The following MYO3A variants were observed in gnomAD, a reference collection of about 807,000 sequenced individuals.
MYO3A encodes the protein myosin IIIA.
MYO3A carries 180 observed loss-of-function variants against 192.7 expected under a neutral mutation model. The ratio of observed to expected loss-of-function variants is 0.93; its 90% CI spans 0.83 to 1.06. MYO3A has a LOEUF of 1.06. Ranked by LOEUF, MYO3A falls within the 50% of genes least tolerant of loss-of-function variation. MYO3A has a pLI of 0.00. For missense variants in MYO3A, 1,896 were observed against 1,905.0 expected (o/e 1.00, Z 0.09); for synonymous variants, 628 against 645.3 (o/e 0.97, Z 0.41).
intron 32 of MYO3A, 119 bp from the exon 33 acceptor site, chr10:26,201,146 C>T (rs1843656419): frequency 5.1e-6 from 2 of 391,230 alleles, no homozygotes; most frequent in Admixed American, 4.7e-5. Flanking sequence ...TATCCACTTG[C>T]TTATTTCTAA....
chr10:26,120,486 C>T (rs1441985594), intron 17 of MYO3A, among the ~76,000 whole-genome samples, 190 bp from the exon 18 acceptor site: 1 of 151,996 alleles, frequency 6.6e-6, no homozygotes, highest in Non-Finnish European at 1.5e-5. Flanking sequence ...GTAACAGGCA[C>T]TATGCTAACC....
rs777250600 is a variant in MYO3A at position 26,201,287 on chromosome 10, G to A, written c.4568G>A (p.Arg1523Gln). The change falls in exon 33 of 35, where the codon CGA becomes CAA. Residue 1523 changes from arginine to glutamine, a missense_variant. Transcript: ENST00000642920. Reference protein sequence around the residue: ...LLHKSIQEEKRRPRKDSQGKL... With the variant: ...LLHKSIQEEKQRPRKDSQGKL... ...TAGAAGTCAATCCAAGAAGAAAAAC[G>A]AAGACCAAGGAAAGACAGGTAATTA... 1.4e-5 allele frequency: 22 copies of A among 1,576,526 alleles called. No individual in the cohort carries two copies. The highest frequency in any genetic ancestry group is 1.8e-5 in the Non-Finnish European group (21 of 1,152,722).
At position 26,185,662 on chromosome 10, in the gene MYO3A, G is replaced by A. The variant is rs568469477; in HGVS notation, c.4439-7543G>A. Among the ~76,000 whole-genome samples the A allele has an allele frequency of 9.9e-5, 15 of 152,208 alleles. No homozygotes were observed. In the South Asian group the frequency reaches 2.1e-3, roughly 21 times the overall value. ...GCCCATTCCAGGATTATTATTTAAT[G>A]TAGTGTTTTGTTTTCTTTTTCTCTT... On this transcript the variant is annotated intron_variant, in intron 31 of 34. Coordinates refer to ENST00000642920, the MANE Select transcript of MYO3A (RefSeq NM_017433.5).
chr10:25,977,563 A>C (rs977601205), intron 4 of MYO3A, among the ~76,000 whole-genome samples: 4 of 152,164 alleles, frequency 2.6e-5, no homozygotes, highest in Non-Finnish European at 5.9e-5. Context: ...AAATTTTGTC[A>C]TTTGTGATTT....
At chr10:25,960,139 C>T (rs2130636906) in intron 4 of MYO3A, among the ~76,000 whole-genome samples, 1 of 152,150 alleles carries the variant, frequency 6.6e-6, no homozygotes, top group South Asian at 2.1e-4. Context: ...CTCCTTTTTT[C>T]TGTCCTCTTT....
chr10:26,190,314 G>A (rs1458161165), intron 31 of MYO3A, among the ~76,000 whole-genome samples: 1 of 152,210 alleles, frequency 6.6e-6, no homozygotes, highest in Non-Finnish European at 1.5e-5. Context: ...CGGCAAAGGT[G>A]TTATCATTGT....
intron 2 of MYO3A, among the ~76,000 whole-genome samples, chr10:25,936,190 G>A (rs1836050366): frequency 6.6e-6 from 1 of 151,746 alleles, no homozygotes; most frequent in Non-Finnish European, 1.5e-5. Flanking sequence ...CACATAATTT[G>A]ATAGCATCAT....
intron 14 of MYO3A, among the ~76,000 whole-genome samples, chr10:26,084,662 C>T (rs186371230): frequency 3.3e-5 from 5 of 152,250 alleles, no homozygotes; most frequent in African/African-American, 1.2e-4. Flanking sequence ...TGCCACTGCA[C>T]CTGGCTAATT....
At chr10:26,053,514 A>T (rs989901446) in intron 10 of MYO3A, among the ~76,000 whole-genome samples, 18 of 152,196 alleles carry the variant, frequency 1.2e-4, no homozygotes, top group African/African-American at 3.9e-4. Flanking sequence ...AGTATATCAC[A>T]TGGTGATGCA....
intron 20 of MYO3A, among the ~76,000 whole-genome samples, chr10:26,140,477 A>T (rs1840086248): frequency 1.3e-5 from 2 of 152,086 alleles, no homozygotes. Flanking sequence ...TGAGGTCAGG[A>T]GTTCAAGACC....
intron 17 of MYO3A, among the ~76,000 whole-genome samples, chr10:26,101,304 T>C (rs546132616): frequency 4.1e-4 from 63 of 152,318 alleles, no homozygotes; most frequent in African/African-American, 1.5e-3. Context: ...GCACATGATA[T>C]GTGTCTCCTG....
At chr10:26,109,027 GTTAT>G in intron 17 of MYO3A, among the ~76,000 whole-genome samples, 1 of 152,140 alleles carries the variant, frequency 6.6e-6, no homozygotes, top group East Asian at 1.9e-4. Flanking sequence ...TTTCCAGACA[GTTAT>G]TTGATAGAAC....
chr10:26,095,757 A>T (rs1836979885), intron 15 of MYO3A, among the ~76,000 whole-genome samples: 1 of 152,234 alleles, frequency 6.6e-6, no homozygotes, highest in African/African-American at 2.4e-5. Context: ...TCACAGAGTC[A>T]TGGGATTTGA....
intron 4 of MYO3A, among the ~76,000 whole-genome samples, chr10:25,984,213 A>G (rs1317584698): frequency 6.6e-6 from 1 of 152,248 alleles, no homozygotes; most frequent in Non-Finnish European, 1.5e-5. Flanking sequence ...AAAACAATCA[A>G]GGTATTCAGG....
intron 6 of MYO3A, among the ~76,000 whole-genome samples, chr10:26,004,202 G>A (rs1295474549): frequency 2.0e-5 from 3 of 152,132 alleles, no homozygotes; most frequent in Admixed American, 6.5e-5. Flanking sequence ...GTAGGGTGAT[G>A]GGGATGATCC....
intron 31 of MYO3A, among the ~76,000 whole-genome samples, chr10:26,190,610 A>G (rs1258463151): frequency 6.6e-6 from 1 of 152,202 alleles, no homozygotes; most frequent in Non-Finnish European, 1.5e-5. Context: ...AAGTATTTCT[A>G]TAAGTACTGG....
intron 20 of MYO3A, among the ~76,000 whole-genome samples, chr10:26,130,145 C>T (rs1271308163): frequency 1.3e-5 from 2 of 151,884 alleles, no homozygotes; most frequent in East Asian, 1.9e-4. Context: ...CACTCTGTCA[C>T]CCAGGCTGTA....
chr10:26,209,326 C>T (rs1321913315), intron 34 of MYO3A, among the ~76,000 whole-genome samples: 2 of 152,326 alleles, frequency 1.3e-5, no homozygotes, highest in African/African-American at 4.8e-5. Context: ...TTTACGAAAT[C>T]ATTTCTGGCA....
At chr10:25,984,432 A>G (rs887734073) in intron 4 of MYO3A, among the ~76,000 whole-genome samples, 10 of 152,170 alleles carry the variant, frequency 6.6e-5, no homozygotes, top group Non-Finnish European at 1.3e-4. Flanking sequence ...CGCAGGCTAC[A>G]TAAATAACAC....
Sources: gnomAD v4.1 joint callset for allele counts (sites outside exome capture counted in the v4.1 genomes callset) on GRCh38, gnomAD v4.1.1 for gene constraint, MANE v1.5 for transcripts, NCBI Gene and HGNC (gene_info 2026-07-23, HGNC 2026-07-21) for gene names.